LRPPRC: variants seen among roughly 807,000 people sequenced by gnomAD.
LRPPRC encodes the protein leucine rich pentatricopeptide repeat containing, also known as leucine-rich PPR motif-containing protein, mitochondrial.
A neutral mutation model predicts 180.3 loss-of-function variants in LRPPRC; 120 were observed. The ratio of observed to expected loss-of-function variants is 0.67; its 90% CI spans 0.57 to 0.77. LRPPRC has a LOEUF of 0.77. Ranked by LOEUF, LRPPRC falls within the 30% of genes least tolerant of loss-of-function variation. LRPPRC has a pLI of 0.00. For missense variants in LRPPRC, 2,012 were observed against 1,657.2 expected, an observed-to-expected ratio of 1.21 and a Z score of -3.72; for synonymous variants, 723 against 600.0, an observed-to-expected ratio of 1.21 and a Z score of -3.00.
At chr2:43,917,268 T>C (rs573456426) in intron 29 of LRPPRC, among the ~76,000 whole-genome samples, 2 of 151,972 alleles carry the variant, frequency 1.3e-5, no homozygotes, top group South Asian at 4.2e-4. Flanking sequence ...CTCCATCTCT[T>C]GACTTCGTGA....
chr2:43,968,129 C>G (rs530020716), intron 11 of LRPPRC, among the ~76,000 whole-genome samples: 1 of 151,864 alleles, frequency 6.6e-6, no homozygotes, highest in Non-Finnish European at 1.5e-5. Flanking sequence ...ACTTTAAAGA[C>G]CCAGCTCTCC....
intron 24 of LRPPRC, 35 bp from the exon 25 acceptor site, chr2:43,934,331 GA>G (rs753654626): frequency 5.3e-5 from 52 of 982,526 alleles, no homozygotes; most frequent in South Asian, 3.3e-4. Context: ...TATATTAGGA[GA>G]AAAAAAAACC....
In LRPPRC at chr2:43,888,528, C is replaced by CAGAT. The variant is rs1308279144; in HGVS notation, c.*68_*71dup. 1.0e-6 allele frequency: 1 copy of CAGAT among 963,678 alleles called. No homozygotes were observed. The highest frequency in any genetic ancestry group is 1.7e-6 in the Non-Finnish European group (1 of 594,256). The allele number at this position is 963,678 out of a possible 1,614,324, so 59.7% of individuals were successfully genotyped here. ...AGAAAATTTTCATTTATTTTTCCCT[C>CAGAT]AGATATACTTCAAAATAACATGTAG... On this transcript the variant is annotated 3_prime_UTR_variant, in exon 38 of 38. Transcript: ENST00000260665.
chr2:43,968,356 C>T (rs1316999139), intron 11 of LRPPRC, among the ~76,000 whole-genome samples: 1 of 152,084 alleles, frequency 6.6e-6, no homozygotes, highest in Non-Finnish European at 1.5e-5. Flanking sequence ...AATTTTCTGA[C>T]CTATAAGAGT....
intron 22 of LRPPRC, among the ~76,000 whole-genome samples, chr2:43,944,583 C>A (rs201106836): frequency 6.6e-6 from 1 of 152,004 alleles, no homozygotes; most frequent in Non-Finnish European, 1.5e-5. Context: ...GGAAAACATT[C>A]AATGTTCTAA....
In LRPPRC at chr2:43,901,374, A is replaced by C. The variant is rs755918165; in HGVS notation, c.3515T>G (p.Ile1172Ser). ...GATGAAAACCATTTTTGAAAGTCCAATGGAGTCTTCGAGTCCATTTAACAT... is the reference window on the plus strand; with the variant it reads ...GATGAAAACCATTTTTGAAAGTCCACTGGAGTCTTCGAGTCCATTTAACAT... ...QKMLNGLEDS[I>S]GLSKMVFINN... The change falls in exon 32 of 38, where the codon ATT becomes AGT. Residue 1172 changes from isoleucine (I) to serine (S), a missense_variant. Coordinates refer to ENST00000260665, the MANE Select transcript of LRPPRC (RefSeq NM_133259.4). The C allele has an allele frequency of 6.2e-7, 1 of 1,614,074 alleles. No homozygotes were observed. The highest frequency in any genetic ancestry group is 1.7e-5 in the Admixed American group (1 of 60,022).
chr2:43,925,253 C>T, intron 26 of LRPPRC, 96 bp from the exon 27 acceptor site: 1 of 793,492 alleles, frequency 1.3e-6, no homozygotes, highest in Non-Finnish European at 2.3e-6. Context: ...ATTAGCTTTA[C>T]CAAAAGGGCA....
At chr2:43,904,424 G>C (rs1218647475) in intron 31 of LRPPRC, 4 of 151,996 alleles carry the variant, frequency 2.6e-5, no homozygotes, top group Non-Finnish European at 4.4e-5. Flanking sequence ...CGGGCGTGGT[G>C]GCTCACGCCT....
chr2:43,898,422 G>C (rs750319760), intron 34 of LRPPRC, among the ~76,000 whole-genome samples: 1 of 152,188 alleles, frequency 6.6e-6, no homozygotes, highest in Non-Finnish European at 1.5e-5. Context: ...GCCTCAATTT[G>C]ACACAGGGAG....
At chr2:43,914,759 A>G (rs1671382726) in intron 29 of LRPPRC, among the ~76,000 whole-genome samples, 1 of 152,100 alleles carries the variant, frequency 6.6e-6, no homozygotes, top group African/African-American at 2.4e-5. Context: ...AATTAACAGG[A>G]TGAAACCAAT....
At chr2:43,890,138 T>A (rs1370669829) in intron 36 of LRPPRC, 3 of 497,934 alleles carry the variant, frequency 6.0e-6, no homozygotes, top group Non-Finnish European at 1.1e-5. Flanking sequence ...ATTGATACCA[T>A]TCACTTAGGT....
intron 11 of LRPPRC, among the ~76,000 whole-genome samples, chr2:43,964,395 G>A: frequency 6.6e-6 from 1 of 152,076 alleles, no homozygotes; most frequent in East Asian, 1.9e-4. Flanking sequence ...GATTACTCAA[G>A]TATCACCTAA....
intron 1 of LRPPRC, among the ~76,000 whole-genome samples, chr2:43,986,611 A>G (rs561522156): frequency 6.6e-6 from 1 of 152,340 alleles, no homozygotes; most frequent in South Asian, 2.1e-4. Context: ...TGAGAAAATT[A>G]TAACTTACAA....
At chr2:43,894,737 ACTAC>A in intron 35 of LRPPRC, 108 bp from the exon 36 acceptor site, 1 of 698,334 alleles carries the variant, frequency 1.4e-6, no homozygotes. Flanking sequence ...TTATAACAGA[ACTAC>A]CTATTAAATT....
intron 25 of LRPPRC, among the ~76,000 whole-genome samples, chr2:43,927,105 AAG>A (rs1671907514): frequency 2.6e-5 from 4 of 152,224 alleles, no homozygotes; most frequent in African/African-American, 9.6e-5. Flanking sequence ...CATCATCTGC[AAG>A]AGGGCTTCAC....
intron 1 of LRPPRC, among the ~76,000 whole-genome samples, chr2:43,987,322 C>T (rs1401830384): frequency 1.3e-5 from 2 of 152,012 alleles, no homozygotes; most frequent in East Asian, 1.9e-4. Context: ...GGCGAAACCC[C>T]GTCTCTAATA....
chr2:43,906,711 G>T (rs999578830), intron 30 of LRPPRC, among the ~76,000 whole-genome samples: 3 of 152,084 alleles, frequency 2.0e-5, no homozygotes, highest in African/African-American at 7.2e-5. Flanking sequence ...CATATAAGCT[G>T]GGCAGATTGC....
chr2:43,957,714 T>C (rs1572545704), intron 13 of LRPPRC, among the ~76,000 whole-genome samples: 1 of 152,200 alleles, frequency 6.6e-6, no homozygotes, highest in Non-Finnish European at 1.5e-5. Context: ...TAAATGGCAA[T>C]TACTAACATA....
intron 31 of LRPPRC, chr2:43,901,809 G>C (rs1670898292): frequency 2.8e-6 from 1 of 363,196 alleles, no homozygotes; most frequent in Admixed American, 4.3e-5. Context: ...AACATTCAGT[G>C]ACTAAAGTTG....
Sources: gnomAD v4.1 joint callset for allele counts (sites outside exome capture counted in the v4.1 genomes callset) on GRCh38, gnomAD v4.1.1 for gene constraint, MANE v1.5 for transcripts, NCBI Gene and HGNC (gene_info 2026-07-23, HGNC 2026-07-21) for gene names.